LNPEP: variants seen among roughly 807,000 people sequenced by gnomAD.
LNPEP encodes leucyl and cystinyl aminopeptidase.
In LNPEP, 64 loss-of-function variants were observed where a neutral mutation model predicts 120.6. That is an observed-to-expected ratio of 0.53 (90% CI 0.43 to 0.65). The LOEUF is 0.65. Among genes scored for constraint, LNPEP ranks in the 30% least tolerant of loss-of-function variants. The pLI, the probability that LNPEP is intolerant of heterozygous loss-of-function variation, is 0.00. For missense variants in LNPEP, 1,057 were observed against 1,200.0 expected (o/e 0.88, Z 1.76); for synonymous variants, 435 against 425.4 (o/e 1.02, Z -0.28).
At position 97,023,900 on chromosome 5, in the gene LNPEP, T is replaced by C. The variant is rs376839654; in HGVS notation, c.2562-621T>C. Among the ~76,000 whole-genome samples, 11 of 152,280 alleles carry C rather than the reference T, an allele frequency of 7.2e-5. No individual in the cohort carries two copies. The South Asian group carries it at 1.0e-3, about 14-fold the overall frequency. The stretch of plus-strand genomic sequence containing the variant: ...GGGTTTTTGATAGCAGCCATCCTAA[T>C]GGGTGTGAGGTGATAAACAAGTCTC... On this transcript the variant is annotated intron_variant, in intron 14 of 17. Transcript: ENST00000231368.
chr5:96,979,914 A>T lies in LNPEP; in HGVS notation c.796A>T (p.Asn266Tyr). The stretch of plus-strand genomic sequence containing the variant: ...TACGTTGAAGATAGAGTACTCGGCA[A>T]ATATATCTAGTTCTTATTATGGGTT... ...NYTLKIEYSANISSSYYGFYG... is the reference protein window; with the variant it reads ...NYTLKIEYSAYISSSYYGFYG... Residue 266 changes from asparagine to tyrosine, a missense_variant, in exon 2 of 18, where the codon AAT becomes TAT. Asn to Tyr is a moderately radical substitution (Grantham distance 143, BLOSUM62 -2). Coordinates refer to ENST00000231368, the MANE Select transcript of LNPEP (RefSeq NM_005575.3). 6.2e-7 allele frequency: 1 copy of T among 1,613,532 alleles called. No individual in the cohort carries two copies. The highest frequency in any genetic ancestry group is 8.5e-7 in the Non-Finnish European group (1 of 1,179,650).
chr5:96,943,715 A>G (rs1304780392), intron 1 of LNPEP, among the ~76,000 whole-genome samples: 1 of 152,268 alleles, frequency 6.6e-6, no homozygotes, highest in Non-Finnish European at 1.5e-5. Flanking sequence ...AAACCAGGTC[A>G]TTTGCCAAAT....
intron 1 of LNPEP, among the ~76,000 whole-genome samples, chr5:96,960,413 A>T (rs531249520): frequency 1.3e-5 from 2 of 152,370 alleles, no homozygotes; most frequent in Non-Finnish European, 2.9e-5. Context: ...GGTTCAATGT[A>T]GAAATCTAAA....
intron 8 of LNPEP, among the ~76,000 whole-genome samples, chr5:97,002,054 G>A (rs776259862): frequency 8.5e-5 from 13 of 152,106 alleles, no homozygotes; most frequent in Non-Finnish European, 1.3e-4. Flanking sequence ...CAGGAGAATC[G>A]CTTGAACCCA....
intron 1 of LNPEP, among the ~76,000 whole-genome samples, chr5:96,952,357 CAT>C (rs1325338924): frequency 6.6e-6 from 1 of 152,154 alleles, no homozygotes; most frequent in African/African-American, 2.4e-5. Flanking sequence ...TGGCATATAA[CAT>C]ATTATGATGA....
intron 1 of LNPEP, chr5:96,958,856 G>T (rs2112577608): frequency 7.6e-6 from 1 of 131,318 alleles, no homozygotes; most frequent in Admixed American, 8.4e-5. Flanking sequence ...TTGAGACGGA[G>T]TCTCACTCTG....
chr5:97,002,114 G>A lies in LNPEP; in HGVS notation c.1654-1301G>A, dbSNP rs141089212. On this transcript the variant is annotated intron_variant, in intron 8 of 17. Transcript: ENST00000231368. ...AGGTCGCACCACTGCACTCCAGCCT[G>A]GGTGACAAGAGTGAGACTTCATCTC... Among the ~76,000 whole-genome samples the A allele has an allele frequency of 4.0e-3, 616 of 152,210 alleles. 6 individuals are homozygous for A. The highest frequency in any genetic ancestry group is 0.014 in the African/African-American group (578 of 41,534).
intron 6 of LNPEP, 57 bp downstream of exon 6, chr5:96,994,028 G>T: frequency 7.1e-7 from 1 of 1,405,270 alleles, no homozygotes; most frequent in Non-Finnish European, 9.8e-7. Context: ...ATGTCCTGGA[G>T]TTATTGTTAG....
At chr5:96,952,618 T>G (rs1055774154) in intron 1 of LNPEP, among the ~76,000 whole-genome samples, 4 of 152,236 alleles carry the variant, frequency 2.6e-5, no homozygotes, top group African/African-American at 9.6e-5. Flanking sequence ...GCCTTGGTTA[T>G]GTGCGGATTC....
chr5:96,971,645 A>G (rs986885394), intron 1 of LNPEP, among the ~76,000 whole-genome samples: 7 of 150,650 alleles, frequency 4.6e-5, no homozygotes, highest in African/African-American at 1.7e-4. Flanking sequence ...AAGTTTATGG[A>G]CTCTTTCTTT....
chr5:97,025,212 G>T (rs1791311091), intron 15 of LNPEP, among the ~76,000 whole-genome samples: 1 of 152,142 alleles, frequency 6.6e-6, no homozygotes. Context: ...GCAGTGGTGG[G>T]GTAGAGGAGC....
chr5:96,948,331 A>G (rs777607187), intron 1 of LNPEP, among the ~76,000 whole-genome samples: 82 of 152,160 alleles, frequency 5.4e-4, no homozygotes, highest in Non-Finnish European at 1.0e-3. Flanking sequence ...TTGGCCTGGC[A>G]GGTCTCGAAC....
At position 97,006,428 on chromosome 5, in the gene LNPEP, T is replaced by C. The variant is rs372457895; in HGVS notation, c.1948T>C (p.Tyr650His). Residue 650 changes from tyrosine (Y) to histidine (H), a missense_variant and splice_region_variant, in exon 11 of 18, where the codon TAC becomes CAC. Tyr to His is a moderately conservative substitution (Grantham distance 83). Coordinates refer to ENST00000231368, the MANE Select transcript of LNPEP (RefSeq NM_005575.3). ...TTTTCCAATGTTTTCTCTTTACAGC[T>C]ACCTGTGGCATATTCCACTATCCTA... ...KPEIQPSDTS[Y>H]LWHIPLSYVT... 5.2e-6 allele frequency: 8 copies of C among 1,546,064 alleles called. No individual in the cohort carries two copies. Among genetic ancestry groups the C allele is most frequent in the Non-Finnish European group, 7.1e-6 (8 of 1,129,018 alleles).
chr5:97,000,658 T>G (rs1240413029), intron 8 of LNPEP, among the ~76,000 whole-genome samples: 1 of 152,212 alleles, frequency 6.6e-6, no homozygotes, highest in African/African-American at 2.4e-5. Flanking sequence ...AGGAATTAAG[T>G]GCATCCTGCA....
intron 11 of LNPEP, among the ~76,000 whole-genome samples, chr5:97,010,023 C>T (rs904104252): frequency 4.6e-5 from 7 of 151,880 alleles, no homozygotes; most frequent in African/African-American, 1.7e-4. Context: ...TTCATTAGTT[C>T]AGTTGTATAT....
intron 4 of LNPEP, among the ~76,000 whole-genome samples, chr5:96,991,634 T>C (rs1335784458): frequency 6.6e-6 from 1 of 152,238 alleles, no homozygotes; most frequent in Non-Finnish European, 1.5e-5. Flanking sequence ...TTTCATGTCC[T>C]TAGCCTATTT....
intron 3 of LNPEP, among the ~76,000 whole-genome samples, chr5:96,985,991 A>C (rs1790233966): frequency 1.3e-5 from 2 of 152,096 alleles, no homozygotes; most frequent in Admixed American, 1.3e-4. Flanking sequence ...TGCCTACTTT[A>C]ATTTGTGGTT....
At position 96,979,589 on chromosome 5, in the gene LNPEP, T is replaced by C; in HGVS notation, c.471T>C (p.Asn157=). The change falls in exon 2 of 18, where the codon AAT becomes AAC. Residue 157 remains asparagine (N), a synonymous_variant. Coordinates refer to ENST00000231368, the MANE Select transcript of LNPEP (RefSeq NM_005575.3). Reference sequence around the variant, plus strand: ...GACTAATTCAGCCATTTGCAACAAATGGGAAATTGTTTCCATGGGCACAGA... The same window carrying C: ...GACTAATTCAGCCATTTGCAACAAACGGGAAATTGTTTCCATGGGCACAGA... ...SIGLIQPFAT[N]GKLFPWAQIR... 1 of 1,614,034 alleles carries C rather than the reference T, an allele frequency of 6.2e-7. No homozygotes were observed. Among genetic ancestry groups the C allele is most frequent in the Non-Finnish European group, 8.5e-7 (1 of 1,179,950 alleles).
chr5:96,984,528 C>T (rs778180454), intron 2 of LNPEP, among the ~76,000 whole-genome samples: 3 of 152,082 alleles, frequency 2.0e-5, no homozygotes, highest in Non-Finnish European at 4.4e-5. Flanking sequence ...TCCAATAAAA[C>T]TTATTTAATC....
Sources: gnomAD v4.1 joint callset for allele counts (sites outside exome capture counted in the v4.1 genomes callset) on GRCh38, gnomAD v4.1.1 for gene constraint, MANE v1.5 for transcripts, NCBI Gene and HGNC (gene_info 2026-07-23, HGNC 2026-07-21) for gene names.